The following NYAP2 variants were observed in gnomAD, a reference collection of about 807,000 sequenced individuals.
The protein encoded by NYAP2 is neuronal tyrosine-phosphorylated phosphoinositide-3-kinase adapter 2.
In NYAP2, 23 loss-of-function variants were observed where a neutral mutation model predicts 50.4. The observed-to-expected ratio is 0.46, with a 90% CI of 0.33 to 0.65. NYAP2 has a LOEUF of 0.65. NYAP2 is among the 30% of genes least tolerant of loss of function. NYAP2 has a pLI of 0.02. For synonymous variants in NYAP2, 394 were observed against 365.2 expected, an observed-to-expected ratio of 1.08 and a Z score of -0.90; for missense variants, 885 against 861.0, an observed-to-expected ratio of 1.03 and a Z score of -0.35.
chr2:225,560,183 T>C (rs1355723779), intron 4 of NYAP2, among the ~76,000 whole-genome samples: 1 of 152,128 alleles, frequency 6.6e-6, no homozygotes, highest in Non-Finnish European at 1.5e-5. Flanking sequence ...AATAGACACT[T>C]ACTTTACAAA....
intron 5 of NYAP2, among the ~76,000 whole-genome samples, chr2:225,625,915 A>G (rs752003737): frequency 4.6e-5 from 7 of 152,194 alleles, no homozygotes; most frequent in Non-Finnish European, 1.0e-4. Flanking sequence ...CAGTAATTCA[A>G]GTGAGAGGAT....
At chr2:225,493,298 T>A (rs934407763) in intron 3 of NYAP2, among the ~76,000 whole-genome samples, 8 of 152,200 alleles carry the variant, frequency 5.3e-5, no homozygotes, top group Non-Finnish European at 8.8e-5. Context: ...ATAGCAACTT[T>A]TATGTTTTTT....
chr2:225,590,421 T>A (rs80274607), intron 5 of NYAP2, among the ~76,000 whole-genome samples: 4 of 152,222 alleles, frequency 2.6e-5, no homozygotes, highest in Non-Finnish European at 5.9e-5. Context: ...GCCTGCATCA[T>A]ATTCACCTGG....
chr2:225,701,053 A>G, the NYAP2 span: 1 of 151,820 alleles, frequency 6.6e-6, no homozygotes, highest in African/African-American at 2.4e-5. Flanking sequence ...GTGGAAAGTG[A>G]CTGAAAGATC....
chr2:225,566,657 T>A (rs1372806267), intron 4 of NYAP2, among the ~76,000 whole-genome samples: 1 of 152,238 alleles, frequency 6.6e-6, no homozygotes, highest in Admixed American at 6.5e-5. Context: ...TTCCTTTCAC[T>A]GTAGGTAGAA....
the NYAP2 span, among the ~76,000 whole-genome samples, chr2:225,685,716 A>G: frequency 0.019 from 2,860 of 152,284 alleles, 78 homozygotes; most frequent in African/African-American, 0.065. Flanking sequence ...CAAGAATCAT[A>G]TATTGCTTTT....
intron 3 of NYAP2, among the ~76,000 whole-genome samples, chr2:225,479,647 A>C (rs1297392187): frequency 6.9e-6 from 1 of 144,338 alleles, no homozygotes; most frequent in African/African-American, 2.8e-5. Context: ...AAAGTACCAT[A>C]GTTTTTTTTT....
In NYAP2 at chr2:225,582,903, G is replaced by A. The variant is rs907521109; in HGVS notation, c.1486G>A (p.Gly496Arg). 6.2e-7 allele frequency: 1 copy of A among 1,613,356 alleles called. No individual in the cohort carries two copies. Among genetic ancestry groups the A allele is most frequent in the Non-Finnish European group, 8.5e-7 (1 of 1,179,870 alleles). ...GGTCAACGCCGCGGTGAACACCTAC[G>A]GGGCAGCCCCGGGTGGCTCCCGGTC... The change falls in exon 5 of 7, where the codon GGG becomes AGG. Residue 496 changes from glycine to arginine, a missense_variant. Coordinates refer to ENST00000636099, the Ensembl canonical transcript of NYAP2. The surrounding 1 kb of genome is among the most constrained non-coding windows in gnomAD (Gnocchi z 7.0).
At chr2:225,481,722 G>T (rs1690210247) in intron 3 of NYAP2, among the ~76,000 whole-genome samples, 1 of 152,122 alleles carries the variant, frequency 6.6e-6, no homozygotes, top group African/African-American at 2.4e-5. Context: ...ATGCAAAATA[G>T]ATGAAGTTTG....
rs1694979831 is a variant in NYAP2 at position 225,408,721 on chromosome 2, G to A, written c.-17-143G>A. On this transcript the variant is annotated intron_variant, in intron 2 of 6. Transcript: ENST00000636099. ...TTATTTAATATTTACTTCAAATATTGTGGTTGTAATTATTCTAGTGAGATA... is the reference window on the plus strand; with the variant it reads ...TTATTTAATATTTACTTCAAATATTATGGTTGTAATTATTCTAGTGAGATA... The A allele has an allele frequency of 9.0e-6, 5 of 557,680 alleles. No homozygotes were observed. In the South Asian group the frequency reaches 9.5e-5, roughly 11 times the overall value. 34.5% of individuals were successfully genotyped at this position (557,680 alleles called of 1,614,324 possible). A position where few individuals can be genotyped will look rare whatever the true frequency, so the allele number is the denominator to read the frequency against.
chr2:225,693,686 C>T, the NYAP2 span, among the ~76,000 whole-genome samples: 8 of 151,928 alleles, frequency 5.3e-5, no homozygotes, highest in Non-Finnish European at 1.0e-4. Flanking sequence ...GAAGAGCTCT[C>T]TTGGGATTAT....
the NYAP2 span, among the ~76,000 whole-genome samples, chr2:225,661,399 TTA>T: frequency 6.6e-6 from 1 of 152,220 alleles, no homozygotes; most frequent in Non-Finnish European, 1.5e-5. Flanking sequence ...CAAATGAACA[TTA>T]TCCTTCAGGT....
chr2:225,533,953 T>C (rs1691303281), intron 4 of NYAP2, among the ~76,000 whole-genome samples: 2 of 152,228 alleles, frequency 1.3e-5, no homozygotes, highest in Non-Finnish European at 2.9e-5. Context: ...GGTTATCCTA[T>C]GTTTCTAACC....
rs56247453 is a variant in NYAP2, at chr2:225,426,139, C to CTT, written c.221+17049_221+17050dup. Reference sequence around the variant, plus strand: ...TTATACTTTGCTTTCTTTCTCTTTTCTTTTTTTTTTTTAAAAATTCTACTT... The same window carrying CTT: ...TTATACTTTGCTTTCTTTCTCTTTTCTTTTTTTTTTTTTTAAAAATTCTACTT... On this transcript the variant is annotated intron_variant, in intron 3 of 6. Transcript: ENST00000636099. Among the ~76,000 whole-genome samples, 262 of 148,946 alleles carry CTT rather than the reference C, an allele frequency of 1.8e-3. 3 individuals carry two copies. Among genetic ancestry groups the CTT allele is most frequent in the African/African-American group, 6.2e-3 (251 of 40,740 alleles).
At chr2:225,480,083 T>C (rs536497734) in intron 3 of NYAP2, among the ~76,000 whole-genome samples, 148 of 152,280 alleles carry the variant, frequency 9.7e-4, no homozygotes, top group African/African-American at 3.5e-3. Context: ...CAAACTTCTG[T>C]AAATCTGTGA....
Position 225,630,383 on chromosome 2 carries a change from T to C in NYAP2, c.1828+3257T>C, listed in dbSNP as rs191201923. 1.4e-3 allele frequency among the ~76,000 whole-genome samples: 218 copies of C among 152,344 alleles called. 1 individual carries two copies. Among genetic ancestry groups the C allele is most frequent in the African/African-American group, 5.0e-3 (208 of 41,582 alleles). ...GGAACTTTGTATCCTTCAGTTCTTC[T>C]GTTCTGCTACCCTTGATGATTGTTT... On this transcript the variant is annotated intron_variant, in intron 6 of 6. Transcript: ENST00000636099.
chr2:225,446,281 T>C lies in NYAP2; in HGVS notation c.221+37180T>C, dbSNP rs866167348. ...ATATATATATATATATATATATATA[T>C]GTGGAATTAGGAAGCAGAAAATGAA... On this transcript the variant is annotated intron_variant, in intron 3 of 6. Coordinates refer to ENST00000636099, the Ensembl canonical transcript of NYAP2. Among the ~76,000 whole-genome samples, 565 of 139,672 alleles carry C rather than the reference T, an allele frequency of 4.0e-3. 5 individuals are homozygous for C. Among genetic ancestry groups the C allele is most frequent in the African/African-American group, 0.013 (488 of 37,820 alleles). 91.6% of individuals were successfully genotyped at this position (139,672 alleles called of 152,430 possible).
intron 4 of NYAP2, among the ~76,000 whole-genome samples, chr2:225,573,219 A>G (rs1220188179): frequency 1.3e-5 from 2 of 150,494 alleles, no homozygotes; most frequent in African/African-American, 4.9e-5. Flanking sequence ...CCAAAATACC[A>G]TGGCTTAGAA....
chr2:225,505,578 AG>A (rs1690689413), intron 3 of NYAP2, among the ~76,000 whole-genome samples: 1 of 152,182 alleles, frequency 6.6e-6, no homozygotes, highest in Non-Finnish European at 1.5e-5. Context: ...CAAATAATAA[AG>A]CTGCATGCAT....
Sources: gnomAD v4.1 joint callset for allele counts (sites outside exome capture counted in the v4.1 genomes callset) on GRCh38, gnomAD v4.1.1 for gene constraint, Gnocchi (gnomAD v3.1) non-coding constraint, MANE v1.5 for transcripts, NCBI Gene and HGNC (gene_info 2026-07-23, HGNC 2026-07-21) for gene names.